DST: variants seen among roughly 807,000 people sequenced by gnomAD.
DST encodes the protein bullous pemphigoid antigen.
A neutral mutation model predicts 875.2 loss-of-function variants in DST; 253 were observed. The ratio of observed to expected loss-of-function variants is 0.29; its 90% CI spans 0.26 to 0.32. The LOEUF (loss-of-function observed/expected upper bound fraction) is 0.32. Ranked by LOEUF, DST falls within the 10% of genes least tolerant of loss-of-function variation. The pLI is 1.00. For missense variants in DST, 8,287 were observed against 9,111.6 expected (o/e 0.91, Z 3.68); for synonymous variants, 3,124 against 3,197.1 (o/e 0.98, Z 0.77).
intron 5 of DST, among the ~76,000 whole-genome samples, chr6:56,729,177 C>T (rs1014828498): frequency 9.2e-5 from 14 of 152,148 alleles, no homozygotes; most frequent in Middle Eastern, 3.2e-3. Context: ...TTAGGAACTA[C>T]TAACATAAAT....
At chr6:56,843,166 T>C in intron 4 of DST, 1 of 1,547,628 alleles carries the variant, frequency 6.5e-7, no homozygotes, top group Non-Finnish European at 8.8e-7. Flanking sequence ...ATCTAAGCGA[T>C]GACTGACAAA....
In DST at chr6:56,601,466, C is replaced by A; in HGVS notation, c.11518G>T (p.Glu3840Ter). ...VERLETQLHLEQDLDDQKIVA... is the reference protein window; with the variant it reads ...VERLETQLHL ...ACCTTCTGATCATCAAGATCTTGTT[C>A]TAGATGTAACTGAGTCTCTAAACGT... Residue 3840 changes from glutamate to a stop codon, truncating the protein, a stop_gained, in exon 44 of 104, where the codon GAA becomes TAA. Coordinates refer to ENST00000680361, the MANE Select transcript of DST (RefSeq NM_001374736.1). LOFTEE classifies it high-confidence loss of function. 1 of 1,598,796 alleles carries A rather than the reference C, an allele frequency of 6.3e-7. No individual in the cohort carries two copies. The highest frequency in any genetic ancestry group is 1.1e-5 in the South Asian group (1 of 88,604).
chr6:56,749,412 T>C (rs1382023232), intron 4 of DST, among the ~76,000 whole-genome samples: 1 of 152,150 alleles, frequency 6.6e-6, no homozygotes, highest in Non-Finnish European at 1.5e-5. Flanking sequence ...TGTAGGTTAC[T>C]ACACAGTGGA....
Position 56,604,781 on chromosome 6 carries a change from C to T in DST, c.9847G>A (p.Val3283Ile). ...SILSRKHVED[V>I]GKNDFLQSER... ...GACTGCAGAAAATCATTTTTCCCAA[C>T]ATCTTCTACATGTTTACGAGATAAT... The change falls in exon 40 of 104, where the codon GTT becomes ATT. Residue 3283 changes from valine to isoleucine, a missense_variant. Val to Ile is a conservative substitution (Grantham distance 29). Transcript: ENST00000680361. The T allele has an allele frequency of 6.2e-7, 1 of 1,612,860 alleles. No individual in the cohort carries two copies. Among genetic ancestry groups the T allele is most frequent in the Non-Finnish European group, 8.5e-7 (1 of 1,179,236 alleles).
At chr6:56,601,379 G>T in intron 44 of DST, 64 bp downstream of exon 44, 1 of 1,048,898 alleles carries the variant, frequency 9.5e-7, no homozygotes, top group Non-Finnish European at 1.4e-6. Context: ...TATACTCCTT[G>T]GGTATCTACA....
At chr6:56,778,354 T>C (rs1403882665) in intron 4 of DST, among the ~76,000 whole-genome samples, 1 of 127,918 alleles carries the variant, frequency 7.8e-6, no homozygotes, top group African/African-American at 3.6e-5. Context: ...TTCTTTTCTC[T>C]TTTTTTTTTT....
At chr6:56,528,469 A>G (rs1336979430) in intron 67 of DST, among the ~76,000 whole-genome samples, 3 of 152,228 alleles carry the variant, frequency 2.0e-5, no homozygotes, top group Non-Finnish European at 4.4e-5. Flanking sequence ...GCACGTAGCC[A>G]TACTGTGTGT....
intron 13 of DST, 57 bp from the exon 14 acceptor site, chr6:56,646,239 TCTCACTAAG>T: frequency 2.0e-6 from 2 of 992,966 alleles, no homozygotes; most frequent in Non-Finnish European, 2.9e-6. Flanking sequence ...GTTTTCATGA[TCTCACTAAG>T]CCACCACTTC....
At chr6:56,788,875 T>C (rs1273926786) in intron 4 of DST, among the ~76,000 whole-genome samples, 3 of 152,186 alleles carry the variant, frequency 2.0e-5, no homozygotes, top group East Asian at 3.8e-4. Context: ...ATTAAACTTG[T>C]TAAACTTTTG....
chr6:56,661,023 A>G (rs577412894), intron 10 of DST, among the ~76,000 whole-genome samples: 64 of 136,982 alleles, frequency 4.7e-4, no homozygotes, highest in Admixed American at 1.1e-3. Context: ...CCTAAATTTT[A>G]ATGAATACAG....
Position 56,569,943 on chromosome 6 carries a change from T to C in DST, c.13791A>G (p.Ser4597=). 1 of 1,610,192 alleles carries C rather than the reference T, an allele frequency of 6.2e-7. No individual in the cohort carries two copies. Among genetic ancestry groups the C allele is most frequent in the Admixed American group, 1.7e-5 (1 of 59,534 alleles). Residue 4597 remains serine, a synonymous_variant, in exon 54 of 104, where the codon TCA becomes TCG. Transcript: ENST00000680361. The part of the protein sequence containing the change: ...AFQVLVKSLK[S]WIKETTKKVP... ...CTTTTTTTGTTGTTTCTTTTATCCA[T>C]GACTTCAATGATTTAACAAGAACTT...
intron 87 of DST, among the ~76,000 whole-genome samples, chr6:56,486,704 T>C (rs2095581326): frequency 6.6e-6 from 1 of 152,112 alleles, no homozygotes; most frequent in South Asian, 2.1e-4. Context: ...TGTGTTTCAA[T>C]GCATGCCCAG....
chr6:56,914,666 GAAAC>G (rs1161937331), intron 2 of DST, among the ~76,000 whole-genome samples: 25 of 152,264 alleles, frequency 1.6e-4, no homozygotes, highest in African/African-American at 5.8e-4. Flanking sequence ...AAGCTGACCT[GAAAC>G]AAACAGTCTG....
rs575099326 is a variant in DST, at chr6:56,638,358, G to A, written c.2964+901C>T. ...TGACATTTCATGTAGACACAAAACC[G>A]TATTTTATATAAAAGATCATACATA... is the stretch of plus-strand genomic sequence containing the variant. On this transcript the variant is annotated intron_variant, in intron 22 of 103. Transcript: ENST00000680361. Among the ~76,000 whole-genome samples the A allele has an allele frequency of 1.9e-4, 29 of 152,094 alleles. No homozygotes were observed. The East Asian group carries it at 5.0e-3, about 26-fold the overall frequency.
chr6:56,619,166 T>C lies in DST; in HGVS notation c.4930-4682A>G. ...GTGTTCATTTGTGCTGCGTAGCTGA[T>C]CTTTAAAACCATCTGCCTGAATTTT... On this transcript the variant is annotated intron_variant, in intron 36 of 103. Transcript: ENST00000680361. The C allele has an allele frequency of 2.5e-6, 4 of 1,614,130 alleles. No individual in the cohort carries two copies. The South Asian group carries it at 4.4e-5, about 18-fold the overall frequency.
chr6:56,856,214 C>T (rs1269108891), intron 3 of DST, among the ~76,000 whole-genome samples: 2 of 152,146 alleles, frequency 1.3e-5, no homozygotes, highest in Admixed American at 6.5e-5. Context: ...ACTGAAACCC[C>T]GGTGGGGGAT....
At chr6:56,546,973 T>C (rs1028933554) in intron 61 of DST, among the ~76,000 whole-genome samples, 1 of 152,160 alleles carries the variant, frequency 6.6e-6, no homozygotes, top group African/African-American at 2.4e-5. Context: ...AAATCCTACA[T>C]TATAAAATCT....
At chr6:56,689,426 G>C (rs2099212359) in intron 9 of DST, among the ~76,000 whole-genome samples, 2 of 152,060 alleles carry the variant, frequency 1.3e-5, no homozygotes, top group African/African-American at 4.8e-5. Flanking sequence ...CAAATACTAA[G>C]CTAAGGTGAT....
rs886094924 is a variant in DST at position 56,607,231 on chromosome 6, G to T, written c.7397C>A (p.Ala2466Asp). The T allele has an allele frequency of 8.7e-6, 14 of 1,613,386 alleles. No individual in the cohort carries two copies. Among genetic ancestry groups the T allele is most frequent in the Non-Finnish European group, 1.2e-5 (14 of 1,179,590 alleles). ...TPESNGNKCE[A>D]PALSFSDKTM... ...TTTGTCACTGAATGATAAGGCTGGG[G>T]CTTCACACTTATTTCCATTGCTCTC... is the stretch of plus-strand genomic sequence containing the variant. Residue 2466 changes from alanine to aspartate, a missense_variant, in exon 40 of 104, where the codon GCC (alanine) becomes GAC (aspartate). Transcript: ENST00000680361.
Sources: gnomAD v4.1 joint callset for allele counts (sites outside exome capture counted in the v4.1 genomes callset) on GRCh38, gnomAD v4.1.1 for gene constraint, MANE v1.5 for transcripts, NCBI Gene and HGNC (gene_info 2026-07-23, HGNC 2026-07-21) for gene names.